TJP1: variants seen among roughly 807,000 people sequenced by gnomAD.
The protein encoded by TJP1 is tight junction protein 1.
A neutral mutation model predicts 194.2 loss-of-function variants in TJP1; 43 were observed. The ratio of observed to expected loss-of-function variants is 0.22; its 90% confidence interval spans 0.17 to 0.29. The LOEUF is 0.29. Ranked by LOEUF, TJP1 falls within the 10% of genes least tolerant of loss-of-function variation. The pLI is 1.00. For synonymous variants in TJP1, 801 were observed against 779.0 expected (o/e 1.03, Z -0.47); for missense variants, 1,971 against 2,185.7 (o/e 0.90, Z 1.96).
intron 2 of TJP1, among the ~76,000 whole-genome samples, chr15:29,850,365 C>G (rs2051593935): frequency 6.6e-6 from 1 of 152,084 alleles, no homozygotes; most frequent in African/African-American, 2.4e-5. Flanking sequence ...GAGTCTCACT[C>G]TGTAGCCCAG....
chr15:29,893,389 G>T (rs2053375529), intron 2 of TJP1, among the ~76,000 whole-genome samples: 1 of 152,202 alleles, frequency 6.6e-6, no homozygotes, highest in Non-Finnish European at 1.5e-5. Flanking sequence ...CAGTGACAGG[G>T]TTTGAGAGGA....
intron 2 of TJP1, among the ~76,000 whole-genome samples, chr15:29,835,054 G>A (rs2050980292): frequency 6.6e-6 from 1 of 152,160 alleles, no homozygotes; most frequent in Non-Finnish European, 1.5e-5. Flanking sequence ...GGTAATGAGA[G>A]GGGCTTGTTG....
intron 2 of TJP1, among the ~76,000 whole-genome samples, chr15:29,791,215 C>T (rs1193902137): frequency 4.0e-5 from 6 of 151,466 alleles, no homozygotes; most frequent in Non-Finnish European, 5.9e-5. Context: ...TTAGTAGAGA[C>T]GGGATTTCTC....
At chr15:29,814,480 G>C (rs188848954) in intron 1 of TJP1, among the ~76,000 whole-genome samples, 90 of 152,242 alleles carry the variant, frequency 5.9e-4, no homozygotes, top group East Asian at 5.2e-3. Context: ...ACTAAATTAA[G>C]TGAGCTAATC....
intron 8 of TJP1, among the ~76,000 whole-genome samples, chr15:29,758,504 G>A (rs1047967230): frequency 1.3e-5 from 2 of 152,094 alleles, no homozygotes; most frequent in African/African-American, 2.4e-5. Context: ...TGAAGAAAGT[G>A]GACATCAAAA....
At chr15:29,805,417 A>G (rs1170134703) in intron 1 of TJP1, among the ~76,000 whole-genome samples, 1 of 152,218 alleles carries the variant, frequency 6.6e-6, no homozygotes, top group Non-Finnish European at 1.5e-5. Flanking sequence ...AACAAATCCA[A>G]AAGAGAAGAT....
intron 8 of TJP1, among the ~76,000 whole-genome samples, chr15:29,751,344 A>C (rs1045441420): frequency 1.3e-5 from 2 of 152,224 alleles, no homozygotes; most frequent in Non-Finnish European, 2.9e-5. Context: ...ACATGTGTTC[A>C]TGAGCATGCT....
At chr15:29,745,103 A>G (rs551228548) in intron 8 of TJP1, among the ~76,000 whole-genome samples, 1 of 152,286 alleles carries the variant, frequency 6.6e-6, no homozygotes, top group Admixed American at 6.5e-5. Flanking sequence ...AAAAACTGAA[A>G]TAAGCAATAT....
At position 29,720,409 on chromosome 15, in the gene TJP1, T is replaced by G. The variant is rs202084418; in HGVS notation, c.2712A>C (p.Pro904=). 339 of 1,612,280 alleles carry G rather than the reference T, an allele frequency of 2.1e-4. 2 individuals are homozygous for G. Among genetic ancestry groups the G allele is most frequent in the South Asian group, 1.4e-3 (129 of 90,736 alleles). ...TYPPYSPQAQ[P]QPIHRIDSPG... ...GGGAGTCTATTCTATGAATTGGTTG[T>G]GGCTGCGCTTGTGGTGAGTAAGGAG... Residue 904 remains proline (P), a synonymous_variant, in exon 19 of 28, where the codon CCA becomes CCC. Coordinates refer to ENST00000614355, the MANE Select transcript of TJP1 (RefSeq NM_001330239.4).
At chr15:29,967,825 T>C (rs936490583) in intron 1 of TJP1, among the ~76,000 whole-genome samples, 4 of 152,228 alleles carry the variant, frequency 2.6e-5, no homozygotes, top group Non-Finnish European at 5.9e-5. Flanking sequence ...AAAACCTTTA[T>C]GAACTACACT....
intron 15 of TJP1, among the ~76,000 whole-genome samples, chr15:29,730,341 G>C (rs1179379474): frequency 2.0e-5 from 3 of 151,970 alleles, no homozygotes; most frequent in Non-Finnish European, 2.9e-5. Flanking sequence ...CAGCACTTTG[G>C]GAGGCCAAGG....
At position 29,822,246 on chromosome 15, in the gene TJP1, C is replaced by T; in HGVS notation, c.-218G>A. ...GCCCGGGTCTTCTCCACGGGGCGCGCCCGACCGGCACCTCCCTCCGAGCGC... is the reference window on the plus strand; with the variant it reads ...GCCCGGGTCTTCTCCACGGGGCGCGTCCGACCGGCACCTCCCTCCGAGCGC... On this transcript the variant is annotated 5_prime_UTR_variant, in exon 1 of 28. Transcript: ENST00000614355. 8.5e-7 allele frequency: 1 copy of T among 1,171,504 alleles called. No individual in the cohort carries two copies. The highest frequency in any genetic ancestry group is 1.1e-6 in the Non-Finnish European group (1 of 949,000). The allele number at this position is 1,171,504 out of a possible 1,614,324, so 72.6% of individuals were successfully genotyped here. A position where few individuals can be genotyped will look rare whatever the true frequency, so the allele number is the denominator to read the frequency against.
At chr15:29,814,469 T>C (rs567021568) in intron 1 of TJP1, among the ~76,000 whole-genome samples, 24 of 152,308 alleles carry the variant, frequency 1.6e-4, no homozygotes, top group Middle Eastern at 3.4e-3. Context: ...TAAAATTACA[T>C]ACTAAATTAA....
intron 24 of TJP1, among the ~76,000 whole-genome samples, chr15:29,709,473 T>A (rs1239489600): frequency 6.6e-6 from 1 of 152,178 alleles, no homozygotes; most frequent in Admixed American, 6.5e-5. Flanking sequence ...AACCACAGGA[T>A]TTTTTATGCA....
intron 2 of TJP1, among the ~76,000 whole-genome samples, chr15:29,845,056 A>G (rs2051359483): frequency 6.6e-6 from 1 of 152,182 alleles, no homozygotes; most frequent in Admixed American, 6.5e-5. Context: ...GTCAAATGCT[A>G]TTGTTAGGCT....
intron 2 of TJP1, among the ~76,000 whole-genome samples, chr15:29,887,184 T>C (rs982955018): frequency 1.2e-4 from 18 of 151,426 alleles, no homozygotes; most frequent in African/African-American, 4.1e-4. Flanking sequence ...TTCTATATGG[T>C]GAAATATATT....
chr15:29,714,412 G>A (rs28526716), intron 23 of TJP1, among the ~76,000 whole-genome samples: 4,883 of 149,690 alleles, frequency 0.033, 273 homozygotes, highest in African/African-American at 0.12. Context: ...GTAATTTTTT[G>A]TATTTTTAGT....
intron 1 of TJP1, among the ~76,000 whole-genome samples, chr15:29,811,466 T>G (rs72719082): frequency 6.6e-6 from 1 of 151,694 alleles, no homozygotes; most frequent in Non-Finnish European, 1.5e-5. Context: ...ATGTAAATGG[T>G]TGAAAGTACG....
intron 1 of TJP1, among the ~76,000 whole-genome samples, chr15:29,804,218 G>A (rs565501130): frequency 1.3e-5 from 2 of 152,168 alleles, no homozygotes; most frequent in South Asian, 2.1e-4. Flanking sequence ...GAACAAACAC[G>A]TAAATATGTA....
Sources: allele counts gnomAD v4.1 joint callset (sites outside exome capture counted in the v4.1 genomes callset), GRCh38; gene constraint gnomAD v4.1.1; transcripts MANE v1.5; gene names NCBI Gene and HGNC (gene_info 2026-07-23, HGNC 2026-07-21).